Variants in GABRG3 observed in about 807,000 individuals in gnomAD.
GABRG3 encodes gamma-aminobutyric acid receptor subunit gamma-3.
In GABRG3, 25 loss-of-function variants were observed where a neutral mutation model predicts 48.8. The ratio of observed to expected loss-of-function variants is 0.51; its 90% CI spans 0.37 to 0.72. The LOEUF is 0.72. Ranked by LOEUF, GABRG3 falls within the 30% of genes least tolerant of loss-of-function variation. The pLI is 0.00. For synonymous variants in GABRG3, 227 were observed against 217.6 expected, an observed-to-expected ratio of 1.04 and a Z score of -0.38; for missense variants, 394 against 577.9, an observed-to-expected ratio of 0.68 and a Z score of 3.26.
chr15:27,045,538 A>G (rs901261292), intron 3 of GABRG3, among the ~76,000 whole-genome samples: 2 of 152,190 alleles, frequency 1.3e-5, no homozygotes, highest in Non-Finnish European at 2.9e-5. Flanking sequence ...TTTGGCAACA[A>G]TCAATTTAAG....
intron 2 of GABRG3, among the ~76,000 whole-genome samples, chr15:27,012,828 C>T (rs775239734): frequency 1.3e-4 from 20 of 152,144 alleles, no homozygotes; most frequent in Non-Finnish European, 2.1e-4. Context: ...ATGCTCTGTC[C>T]TCAGACATTA....
intron 3 of GABRG3, among the ~76,000 whole-genome samples, chr15:27,250,584 GC>G (rs1027334187): frequency 3.0e-4 from 46 of 152,164 alleles, no homozygotes; most frequent in African/African-American, 1.0e-3. Flanking sequence ...GTGCCACCAT[GC>G]CCAGCTAATT....
At chr15:26,985,640 C>T (rs537479325) in intron 2 of GABRG3, among the ~76,000 whole-genome samples, 4 of 151,970 alleles carry the variant, frequency 2.6e-5, no homozygotes, top group African/African-American at 4.8e-5. Context: ...GGAAAGCAGA[C>T]GAAGCCCCCC....
At chr15:27,472,991 A>G (rs142582113) in intron 5 of GABRG3, among the ~76,000 whole-genome samples, 475 of 152,292 alleles carry the variant, frequency 3.1e-3, no homozygotes, top group Non-Finnish European at 4.5e-3. Context: ...TAATATATTA[A>G]TGTATTAAAA....
At chr15:27,313,262 G>GTGTGTATATATATA (rs1430430961) in intron 3 of GABRG3, among the ~76,000 whole-genome samples, 4 of 34,558 alleles carry the variant, frequency 1.2e-4, no homozygotes, top group Admixed American at 4.2e-4. Context: ...GTGTGTGTGT[G>GTGTGTATATATATA]TATATATATA....
chr15:27,491,153 T>C (rs1890344404), intron 6 of GABRG3, among the ~76,000 whole-genome samples: 1 of 152,212 alleles, frequency 6.6e-6, no homozygotes, highest in Non-Finnish European at 1.5e-5. Context: ...ATGCTCACGC[T>C]GGTCTGGGTG....
At chr15:27,231,705 C>T (rs1462732638) in intron 3 of GABRG3, among the ~76,000 whole-genome samples, 2 of 152,156 alleles carry the variant, frequency 1.3e-5, no homozygotes. Context: ...ATTTAACTTA[C>T]TGTCATTTTC....
chr15:27,191,277 C>G (rs1220375784), intron 3 of GABRG3, among the ~76,000 whole-genome samples: 2 of 152,070 alleles, frequency 1.3e-5, no homozygotes, highest in African/African-American at 4.8e-5. Context: ...CCTGGGTATC[C>G]TTGTTGACTT....
intron 3 of GABRG3, among the ~76,000 whole-genome samples, chr15:27,103,678 A>G (rs1035680882): frequency 6.6e-6 from 1 of 152,192 alleles, no homozygotes; most frequent in Non-Finnish European, 1.5e-5. Flanking sequence ...ACAACGGCCT[A>G]TTAAAGACAA....
At chr15:27,528,138 T>C in intron 9 of GABRG3, 146 bp downstream of exon 9, 1 of 667,776 alleles carries the variant, frequency 1.5e-6, no homozygotes, top group Non-Finnish European at 2.6e-6. Flanking sequence ...TGTTTAGTAT[T>C]AGGTTAAAAA....
intron 5 of GABRG3, among the ~76,000 whole-genome samples, chr15:27,478,063 GAA>G (rs1566859228): frequency 6.8e-6 from 1 of 146,324 alleles, no homozygotes; most frequent in Non-Finnish European, 1.5e-5. Flanking sequence ...AAAAAAAAAA[GAA>G]AGAAAGAAAG....
chr15:27,412,646 C>T (rs1447058972), intron 5 of GABRG3, among the ~76,000 whole-genome samples: 1 of 152,156 alleles, frequency 6.6e-6, no homozygotes, highest in Non-Finnish European at 1.5e-5. Context: ...CTCTCACACG[C>T]TTGAACGTGG....
intron 3 of GABRG3, among the ~76,000 whole-genome samples, chr15:27,311,495 G>T (rs1892991309): frequency 6.6e-6 from 1 of 152,132 alleles, no homozygotes; most frequent in African/African-American, 2.4e-5. Context: ...TGAGAACAGA[G>T]ATGACAATTT....
intron 3 of GABRG3, among the ~76,000 whole-genome samples, chr15:27,209,762 T>C (rs987244827): frequency 2.6e-5 from 4 of 152,180 alleles, no homozygotes; most frequent in African/African-American, 9.6e-5. Context: ...GACTGGGGGC[T>C]CAAACAGCAC....
intron 3 of GABRG3, among the ~76,000 whole-genome samples, chr15:27,199,481 G>A (rs1888611924): frequency 6.6e-6 from 1 of 152,130 alleles, no homozygotes; most frequent in Admixed American, 6.5e-5. Context: ...CATGCTGAAT[G>A]TGATCGCCAG....
intron 3 of GABRG3, among the ~76,000 whole-genome samples, chr15:27,279,210 A>T (rs1891354626): frequency 6.6e-6 from 1 of 152,180 alleles, no homozygotes; most frequent in African/African-American, 2.4e-5. Flanking sequence ...CTTAGTTTGT[A>T]GACTGTCTTT....
intron 3 of GABRG3, among the ~76,000 whole-genome samples, chr15:27,137,908 C>T (rs1214856367): frequency 6.6e-6 from 1 of 152,146 alleles, no homozygotes; most frequent in Non-Finnish European, 1.5e-5. Flanking sequence ...ATCTGCCTCT[C>T]CAGGGGCTGT....
intron 5 of GABRG3, among the ~76,000 whole-genome samples, chr15:27,403,512 TAG>T (rs1360971814): frequency 6.6e-6 from 1 of 152,112 alleles, no homozygotes; most frequent in African/African-American, 2.4e-5. Flanking sequence ...TGAAAGCACC[TAG>T]AGACAAAACA....
At chr15:27,164,037 G>A (rs561842959) in intron 3 of GABRG3, among the ~76,000 whole-genome samples, 1 of 152,178 alleles carries the variant, frequency 6.6e-6, no homozygotes, top group Non-Finnish European at 1.5e-5. Flanking sequence ...AAATTTTATT[G>A]TAATTACACA....
Sources: gnomAD v4.1 joint callset for allele counts (sites outside exome capture counted in the v4.1 genomes callset) on GRCh38, gnomAD v4.1.1 for gene constraint, MANE v1.5 for transcripts, NCBI Gene and HGNC (gene_info 2026-07-23, HGNC 2026-07-21) for gene names.